Variants in PTPN20 observed in about 807,000 individuals in gnomAD.
PTPN20 encodes the protein tyrosine-protein phosphatase non-receptor type 20.
A neutral mutation model predicts 35.0 loss-of-function variants in PTPN20; 9 were observed. The observed-to-expected ratio is 0.26, with a 90% CI of 0.15 to 0.45. PTPN20 has a LOEUF of 0.45. PTPN20 is among the 20% of genes least tolerant of loss of function. PTPN20 has a pLI of 1.00. For missense variants in PTPN20, 111 were observed against 312.5 expected (o/e 0.36, Z 4.86); for synonymous variants, 32 against 100.2 (o/e 0.32, Z 4.06).
chr10:46,925,006 C>T (rs1304164734), intron 1 of PTPN20, among the ~76,000 whole-genome samples: 4 of 148,698 alleles, frequency 2.7e-5, no homozygotes, highest in Admixed American at 2.0e-4. Context: ...ATTGATTTAG[C>T]GTTTTACTTT....
chr10:46,918,540 G>T (rs1489484314), intron 1 of PTPN20, among the ~76,000 whole-genome samples: 1 of 101,870 alleles, frequency 9.8e-6, no homozygotes, highest in Non-Finnish European at 1.8e-5. Flanking sequence ...TTCTCTATCA[G>T]CACTGTTTTA....
intron 2 of PTPN20, among the ~76,000 whole-genome samples, chr10:46,939,157 C>T (rs2042658325): frequency 7.4e-6 from 1 of 135,740 alleles, no homozygotes; most frequent in Non-Finnish European, 1.5e-5. Context: ...AAAATCCCAT[C>T]TGGAAACCTG....
Position 46,932,363 on chromosome 10 carries a change from G to C in PTPN20, c.-123-14G>C. On this transcript the variant is annotated splice_polypyrimidine_tract_variant and intron_variant, in intron 1 of 10. Transcript: ENST00000374339. ...GTGTAACAGAAAAATCTTTGGCTTT[G>C]TGTGTTTTACCAGGTGAACAAAAAT... 1 of 1,601,460 alleles carries C rather than the reference G, an allele frequency of 6.2e-7. No homozygotes were observed. Among genetic ancestry groups the C allele is most frequent in the South Asian group, 1.1e-5 (1 of 89,198 alleles).
chr10:46,995,577 G>T (rs568242025), intron 9 of PTPN20, among the ~76,000 whole-genome samples: 1 of 152,238 alleles, frequency 6.6e-6, no homozygotes, highest in Admixed American at 6.5e-5. Flanking sequence ...ACTCTGGTTT[G>T]GCATCTCCTT....
At chr10:46,999,051 C>T (rs1322269610) in intron 9 of PTPN20, among the ~76,000 whole-genome samples, 4 of 152,106 alleles carry the variant, frequency 2.6e-5, no homozygotes, top group Non-Finnish European at 4.4e-5. Flanking sequence ...TATGATGACA[C>T]CGCTGTACTC....
chr10:46,936,053 G>A (rs1260370884), intron 2 of PTPN20, among the ~76,000 whole-genome samples: 1 of 152,176 alleles, frequency 6.6e-6, no homozygotes, highest in Non-Finnish European at 1.5e-5. Context: ...CTGATGATTA[G>A]TGATATTGAG....
At chr10:46,926,056 G>A (rs1215190118) in intron 1 of PTPN20, 1 of 985,210 alleles carries the variant, frequency 1.0e-6, no homozygotes, top group Non-Finnish European at 1.2e-6. Flanking sequence ...TACTTAAAGG[G>A]AACTCATTTG....
rs2060085218 is a variant in PTPN20 at position 47,002,052 on chromosome 10, G to A, written c.*1311G>A. On this transcript the variant is annotated 3_prime_UTR_variant, in exon 11 of 11. Transcript: ENST00000374339. ...TTATTTTGTTCTTTTGGCTGAATGA[G>A]TATATTTGAATTGGTTGAATAATTA... 1 of 151,946 alleles carries A rather than the reference G, an allele frequency of 6.6e-6. No individual in the cohort carries two copies. Among genetic ancestry groups the A allele is most frequent in the Non-Finnish European group, 1.5e-5 (1 of 67,918 alleles). The allele number at this position is 151,946 out of a possible 1,614,324, so 9.4% of individuals were successfully genotyped here.
In PTPN20 at chr10:46,939,099, A is replaced by G. The variant is rs1422793642; in HGVS notation, c.35-1524A>G. On this transcript the variant is annotated intron_variant, in intron 2 of 10. Coordinates refer to ENST00000374339, the MANE Select transcript of PTPN20 (RefSeq NM_001042357.5). ...CCTTCCTAGGTTTGCGGAATTTCCTATTTTCAGAACCGTTTGCATGAGAGA... is the reference window on the plus strand; with the variant it reads ...CCTTCCTAGGTTTGCGGAATTTCCTGTTTTCAGAACCGTTTGCATGAGAGA... 3.4e-5 allele frequency among the ~76,000 whole-genome samples: 5 copies of G among 147,796 alleles called. 1 individual carries two copies. The East Asian group carries it at 1.0e-3, about 30-fold the overall frequency.
rs533901933 is a variant in PTPN20, at chr10:46,993,961, C to T, written c.1135-5951C>T. On this transcript the variant is annotated intron_variant, in intron 9 of 10. Coordinates refer to ENST00000374339, the MANE Select transcript of PTPN20 (RefSeq NM_001042357.5). ...TTTTTTATTTTCCTTCTGAAGAACT[C>T]GCTTTAGCATTTCTTGTAAGTCAGG... 7.3e-3 allele frequency among the ~76,000 whole-genome samples: 1,114 copies of T among 152,238 alleles called. 7 individuals are homozygous for T. Among genetic ancestry groups the T allele is most frequent in the African/African-American group, 0.025 (1,035 of 41,544 alleles).
chr10:46,932,010 T>A (rs1207561446), intron 1 of PTPN20, among the ~76,000 whole-genome samples: 7 of 148,364 alleles, frequency 4.7e-5, no homozygotes, highest in Admixed American at 4.0e-4. Flanking sequence ...CTAATTTAGC[T>A]TAGGTGTGGC....
Position 46,998,755 on chromosome 10 carries a change from A to G in PTPN20, c.1135-1157A>G, listed in dbSNP as rs889906215. Among the ~76,000 whole-genome samples the G allele has an allele frequency of 2.9e-3, 440 of 152,284 alleles. 4 individuals carry two copies. Among genetic ancestry groups the G allele is most frequent in the African/African-American group, 9.8e-3 (405 of 41,538 alleles). On this transcript the variant is annotated intron_variant, in intron 9 of 10. Coordinates refer to ENST00000374339, the MANE Select transcript of PTPN20 (RefSeq NM_001042357.5). ...ATTATATCTTGTTAAACAAGATGAC[A>G]CCATCTGGGAAACTGGGTGAAAGAT... is the stretch of plus-strand genomic sequence containing the variant.
intron 9 of PTPN20, among the ~76,000 whole-genome samples, chr10:46,991,875 C>A (rs1555177123): frequency 1.3e-5 from 2 of 152,036 alleles, no homozygotes; most frequent in African/African-American, 4.8e-5. Context: ...TTGCATTGAC[C>A]TTGGTGAATC....
intron 9 of PTPN20, among the ~76,000 whole-genome samples, chr10:46,992,972 G>A (rs1323248294): frequency 6.6e-6 from 1 of 152,118 alleles, no homozygotes; most frequent in African/African-American, 2.4e-5. Flanking sequence ...TTATTTCTGG[G>A]TGCTTTCAGA....
rs1328256077 is a variant in PTPN20 at position 46,940,717 on chromosome 10, G to A, written c.129G>A (p.Lys43=). The stretch of plus-strand genomic sequence containing the variant: ...GTCAGGAAAACACACCTAGATCAAA[G>A]GTAAGACTAAAAGGAGAGGGATCTC... ...SSSQENTPRS[K]VFENKVNSEK... is the part of the protein sequence containing the mutation. Residue 43 remains lysine, a splice_region_variant and synonymous_variant, in exon 3 of 11, where the codon AAG becomes AAA. Transcript: ENST00000374339. The A allele has an allele frequency of 1.4e-5, 23 of 1,608,532 alleles. No homozygotes were observed. In the South Asian group the frequency reaches 2.3e-4, roughly 16 times the overall value.
chr10:46,931,703 C>T (rs1388542081), intron 1 of PTPN20, among the ~76,000 whole-genome samples: 3 of 143,568 alleles, frequency 2.1e-5, no homozygotes, highest in Admixed American at 6.8e-5. Context: ...AATTTTTTAA[C>T]ACCTATATCT....
intron 1 of PTPN20, among the ~76,000 whole-genome samples, chr10:46,928,723 T>G: frequency 7.0e-6 from 1 of 142,228 alleles, no homozygotes; most frequent in East Asian, 2.1e-4. Flanking sequence ...TTAAAAGGCA[T>G]AAAACATGCC....
At chr10:46,923,682 C>T (rs1183250057) in intron 1 of PTPN20, among the ~76,000 whole-genome samples, 72 of 151,312 alleles carry the variant, frequency 4.8e-4, no homozygotes, top group African/African-American at 1.7e-3. Flanking sequence ...GGGTTTTCTG[C>T]GTTTTCATAT....
chr10:46,928,969 C>A, intron 1 of PTPN20, among the ~76,000 whole-genome samples: 1 of 27,456 alleles, frequency 3.6e-5, no homozygotes, highest in African/African-American at 2.4e-4. Context: ...TAAGAATTGC[C>A]AGAGGCCCAA....
Sources: gnomAD v4.1 joint callset for allele counts (sites outside exome capture counted in the v4.1 genomes callset) on GRCh38, gnomAD v4.1.1 for gene constraint, MANE v1.5 for transcripts, NCBI Gene and HGNC (gene_info 2026-07-23, HGNC 2026-07-21) for gene names.